SLX9: variants seen among roughly 807,000 people sequenced by gnomAD.
SLX9 encodes ribosome biogenesis protein SLX9 homolog.
In SLX9, 19 loss-of-function variants were observed where a neutral mutation model predicts 20.8. That is an observed-to-expected ratio of 0.91 (90% CI 0.64 to 1.34). SLX9 has a LOEUF of 1.34. SLX9 is among the 40% of genes most tolerant of loss of function. The pLI, the probability that SLX9 is intolerant of heterozygous loss-of-function variation, is 0.00. For missense variants in SLX9, 299 were observed against 322.2 expected, an observed-to-expected ratio of 0.93 and a Z score of 0.55; for synonymous variants, 113 against 137.1, an observed-to-expected ratio of 0.82 and a Z score of 1.23.
intron 5 of SLX9, among the ~76,000 whole-genome samples, chr21:44,975,154 G>C (rs1391059375): frequency 6.6e-6 from 1 of 152,190 alleles, no homozygotes; most frequent in East Asian, 1.9e-4. Flanking sequence ...ACAGGGCTCA[G>C]GTGTTTGAGT....
In SLX9 at chr21:44,940,086, G is replaced by T. The variant is rs1322681505; in HGVS notation, c.29G>T (p.Arg10Leu). Reference sequence around the variant, plus strand: ...GGGAAAGTGAGGGGGTTGCGCGCCCGAGTGCACCAGGCTGCCGTGAGGCCG... The same window carrying T: ...GGGAAAGTGAGGGGGTTGCGCGCCCTAGTGCACCAGGCTGCCGTGAGGCCG... MGKVRGLRA[R>L]VHQAAVRPKG... Residue 10 changes from arginine (R) to leucine (L), a missense_variant, in exon 1 of 6, where the codon CGA becomes CTA. Physicochemically the swap from Arg to Leu is moderately radical, Grantham distance 102. Transcript: ENST00000291634. The T allele has an allele frequency of 4.1e-6, 6 of 1,458,192 alleles. No individual in the cohort carries two copies. Among genetic ancestry groups the T allele is most frequent in the Non-Finnish European group, 5.4e-6 (6 of 1,103,432 alleles). 90.3% of individuals were successfully genotyped at this position (1,458,192 alleles called of 1,614,324 possible). A position where few individuals can be genotyped will look rare whatever the true frequency, so the allele number is the denominator to read the frequency against.
chr21:44,974,929 G>A (rs892824972), intron 5 of SLX9, among the ~76,000 whole-genome samples: 5 of 152,208 alleles, frequency 3.3e-5, no homozygotes, highest in Admixed American at 2.6e-4. Flanking sequence ...CTTGCAGACT[G>A]TCTGTCGCCC....
chr21:44,939,974 C>T (rs1242850723), upstream of SLX9: 3 of 1,327,296 alleles, frequency 2.3e-6, no homozygotes, highest in African/African-American at 4.7e-5. Flanking sequence ...CCGGCAGCCG[C>T]GGCTCCTGTT....
intron 2 of SLX9, among the ~76,000 whole-genome samples, chr21:44,950,410 G>C (rs1047481903): frequency 2.6e-5 from 4 of 152,268 alleles, no homozygotes; most frequent in East Asian, 1.9e-4. Context: ...CTTGGGGTCA[G>C]ATGGCCTCGG....
Position 44,967,180 on chromosome 21 carries a change from A to C in SLX9, c.499A>C (p.Ser167Arg), listed in dbSNP as rs758520408. ...LEAGSRRQARSRESNKPRPSE... is the reference protein window; with the variant it reads ...LEAGSRRQARRRESNKPRPSE... ...GGCTGGCAGCCGGCGCCAAGCCCGC[A>C]GGTGAGTGTCCGGGAGGGGTGGCCC... The change falls in exon 4 of 6, where the codon AGC (serine) becomes CGC (arginine). Residue 167 changes from serine to arginine, a missense_variant and splice_region_variant. Coordinates refer to ENST00000291634, the MANE Select transcript of SLX9 (RefSeq NM_058190.4). 6.3e-7 allele frequency: 1 copy of C among 1,578,814 alleles called. No homozygotes were observed.
chr21:44,940,389 C>T (rs1189967868), intron 1 of SLX9, among the ~76,000 whole-genome samples: 3 of 152,260 alleles, frequency 2.0e-5, no homozygotes, highest in Admixed American at 6.5e-5. Context: ...CCTGGGCACA[C>T]GGACTCGCGC....
chr21:44,976,139 C>T (rs894287864), intron 5 of SLX9, among the ~76,000 whole-genome samples: 3 of 152,234 alleles, frequency 2.0e-5, no homozygotes, highest in African/African-American at 4.8e-5. Flanking sequence ...CGGCTGGCTG[C>T]GCGGGGTTTA....
chr21:44,965,392 G>A (rs765951357), intron 3 of SLX9, among the ~76,000 whole-genome samples: 19 of 152,180 alleles, frequency 1.2e-4, no homozygotes, highest in African/African-American at 1.7e-4. Flanking sequence ...TGAGTGGGCC[G>A]GGTGGGATTG....
intron 4 of SLX9, among the ~76,000 whole-genome samples, chr21:44,971,377 G>C (rs978741655): frequency 1.6e-3 from 7 of 4,446 alleles, no homozygotes; most frequent in Non-Finnish European, 1.7e-3. Flanking sequence ...CTGAACTCCG[G>C]AAACCCCACT....
At chr21:44,967,221 G>A (rs753648214) in intron 4 of SLX9, 40 bp downstream of exon 4, 1 of 1,533,250 alleles carries the variant, frequency 6.5e-7, no homozygotes, top group Non-Finnish European at 8.8e-7. Flanking sequence ...GAGCTGTGGG[G>A]CTGACCCGGG....
rs72613651 is a variant in SLX9 at position 44,961,809 on chromosome 21, G to A, written c.352+1641G>A. The stretch of plus-strand genomic sequence containing the variant: ...ATTTGTTTTTATTTTGATCACTCCC[G>A]TTTTAGCTTTCTTTGGGTTTCAGTT... On this transcript the variant is annotated intron_variant, in intron 3 of 5. Coordinates refer to ENST00000291634, the MANE Select transcript of SLX9 (RefSeq NM_058190.4). 2.6e-3 allele frequency among the ~76,000 whole-genome samples: 393 copies of A among 151,922 alleles called. 13 individuals carry two copies. The East Asian group carries it at 0.067, about 26-fold the overall frequency.
chr21:44,948,424 C>T (rs1031656796), intron 2 of SLX9, among the ~76,000 whole-genome samples: 6 of 151,624 alleles, frequency 4.0e-5, no homozygotes, highest in Non-Finnish European at 7.4e-5. Flanking sequence ...GAGCACCGGG[C>T]GTCTGGGGAG....
chr21:44,943,927 T>A (rs1426536712), intron 2 of SLX9, 90 bp downstream of exon 2: 3 of 1,551,280 alleles, frequency 1.9e-6, no homozygotes, highest in African/African-American at 2.7e-5. Context: ...GCTTTCCAGC[T>A]AACCTGTACC....
intron 4 of SLX9, among the ~76,000 whole-genome samples, 166 bp downstream of exon 4, chr21:44,967,347 G>A (rs371433764): frequency 2.0e-5 from 3 of 152,224 alleles, no homozygotes; most frequent in Non-Finnish European, 4.4e-5. Context: ...TTCTCAGGGC[G>A]TGAGCTCGTG....
intron 2 of SLX9, among the ~76,000 whole-genome samples, chr21:44,948,697 C>T (rs1053859773): frequency 1.3e-5 from 2 of 152,092 alleles, no homozygotes; most frequent in Admixed American, 6.5e-5. Flanking sequence ...TGAGAGGCGC[C>T]GGTGGTGGTA....
At chr21:44,962,221 A>G (rs570033822) in intron 3 of SLX9, among the ~76,000 whole-genome samples, 30 of 152,306 alleles carry the variant, frequency 2.0e-4, no homozygotes, top group Admixed American at 7.2e-4. Flanking sequence ...GTGCCATTCA[A>G]TGATTGCTGA....
At chr21:44,972,900 G>A (rs1042688498) in intron 4 of SLX9, among the ~76,000 whole-genome samples, 3 of 152,228 alleles carry the variant, frequency 2.0e-5, no homozygotes, top group Non-Finnish European at 4.4e-5. Context: ...GGAGCCAGGA[G>A]GAGCTGCAGG....
intron 3 of SLX9, 123 bp from the exon 4 acceptor site, chr21:44,966,911 C>T (rs2085046072): frequency 1.6e-6 from 2 of 1,287,068 alleles, no homozygotes; most frequent in Non-Finnish European, 2.2e-6. Context: ...ATGGGGGTGA[C>T]AGCGGGAAGG....
At chr21:44,970,018 G>A (rs1427453127) in intron 4 of SLX9, among the ~76,000 whole-genome samples, 1 of 152,222 alleles carries the variant, frequency 6.6e-6, no homozygotes, top group African/African-American at 2.4e-5. Flanking sequence ...CAGAGGCGAA[G>A]TGCCACTGTC....
Sources: allele counts gnomAD v4.1 joint callset (sites outside exome capture counted in the v4.1 genomes callset), GRCh38; gene constraint gnomAD v4.1.1; transcripts MANE v1.5; gene names NCBI Gene and HGNC (gene_info 2026-07-23, HGNC 2026-07-21).